The following APOO variants were observed in gnomAD, a reference collection of about 807,000 sequenced individuals.
The protein encoded by APOO is apolipoprotein O.
A neutral mutation model predicts 23.1 loss-of-function variants in APOO; 11 were observed. The observed-to-expected ratio is 0.48, with a 90% CI of 0.30 to 0.79. APOO has a LOEUF of 0.79. Ranked by LOEUF, APOO falls within the 30% of genes least tolerant of loss-of-function variation. The pLI is 0.07. For missense variants in APOO, 160 were observed against 142.7 expected, an observed-to-expected ratio of 1.12 and a Z score of -0.62; for synonymous variants, 59 against 54.8, an observed-to-expected ratio of 1.08 and a Z score of -0.34.
In APOO at chrX:23,907,776, G is replaced by A; in HGVS notation, c.-74C>T. ...CCCACTATAGAGAGGTGACTACGGA[G>A]GCCCGGTAGGGCCTTGATTTCTCCA... On this transcript the variant is annotated 5_prime_UTR_variant, in exon 1 of 9. Transcript: ENST00000379226. 1 of 1,066,632 alleles carries A rather than the reference G, an allele frequency of 9.4e-7. No homozygotes were observed. The highest frequency in any genetic ancestry group is 1.2e-6 in the Non-Finnish European group (1 of 804,765). 87.9% of individuals were successfully genotyped at this position (1,066,632 alleles called of 1,213,427 possible). A position where few individuals can be genotyped will look rare whatever the true frequency, so the allele number is the denominator to read the frequency against.
intron 7 of APOO, among the ~76,000 whole-genome samples, chrX:23,848,584 T>C (rs1299007905): frequency 8.9e-6 from 1 of 112,005 alleles, no homozygotes; most frequent in Admixed American, 9.6e-5. Context: ...CTATATAAAC[T>C]ATAACTGGGT....
chrX:23,883,110 G>A (rs975640972), intron 1 of APOO, among the ~76,000 whole-genome samples: 3 of 111,508 alleles, frequency 2.7e-5, no homozygotes, highest in African/African-American at 9.8e-5. Flanking sequence ...AAAGTGATAC[G>A]GGAGGGGCAG....
chrX:23,852,300 TTAGAA>T (rs1924575358), intron 7 of APOO, among the ~76,000 whole-genome samples: 1 of 110,210 alleles, frequency 9.1e-6, no homozygotes, highest in Non-Finnish European at 1.9e-5. Context: ...TGTTACATGA[TTAGAA>T]TACAAACAAT....
At chrX:23,877,390 C>T (rs1010732246) in intron 3 of APOO, among the ~76,000 whole-genome samples, 1 of 112,133 alleles carries the variant, frequency 8.9e-6, no homozygotes, top group Non-Finnish European at 1.9e-5. Context: ...AGAGTCCATG[C>T]TTTACTATTT....
chrX:23,886,799 A>G (rs1281376515), intron 1 of APOO, among the ~76,000 whole-genome samples: 1 of 111,761 alleles, frequency 8.9e-6, no homozygotes, highest in Non-Finnish European at 1.9e-5. Flanking sequence ...AGATGTCATC[A>G]CAAATGGCCA....
intron 7 of APOO, among the ~76,000 whole-genome samples, chrX:23,844,403 A>T (rs779361114): frequency 9.0e-6 from 1 of 111,275 alleles, no homozygotes; most frequent in Non-Finnish European, 1.9e-5. Context: ...TAAGTTTACT[A>T]ATCAGTTGCC....
chrX:23,843,189 T>A (rs891685786), intron 7 of APOO, among the ~76,000 whole-genome samples: 2 of 112,279 alleles, frequency 1.8e-5, no homozygotes, highest in South Asian at 3.6e-4. Context: ...CAAGCTTTTT[T>A]ATCTTTTGGA....
intron 1 of APOO, among the ~76,000 whole-genome samples, chrX:23,884,556 C>G (rs1485174515): frequency 8.9e-6 from 1 of 111,870 alleles, no homozygotes; most frequent in African/African-American, 3.2e-5. Flanking sequence ...AACATATGCA[C>G]TACCTCACAA....
chrX:23,839,412 A>G (rs1923867631), intron 8 of APOO, among the ~76,000 whole-genome samples: 1 of 110,993 alleles, frequency 9.0e-6, no homozygotes, highest in African/African-American at 3.3e-5. Flanking sequence ...CCAGATAACC[A>G]CTCTCAAATT....
At chrX:23,879,070 T>C (rs781257311) in intron 2 of APOO, 36 bp from the exon 3 acceptor site, 5 of 1,191,868 alleles carry the variant, frequency 4.2e-6, no homozygotes, top group Admixed American at 2.2e-5. Flanking sequence ...ATTTAAAAGA[T>C]GTACTGTCTA....
rs1292914682 is a variant in APOO, at chrX:23,841,486, T to A, written c.562-1109A>T. Among the ~76,000 whole-genome samples the A allele has an allele frequency of 1.1e-4, 7 of 65,080 alleles. No individual in the cohort carries two copies. In the East Asian group the frequency reaches 2.1e-3, roughly 20 times the overall value. 56.5% of individuals were successfully genotyped at this position (65,080 alleles called of 115,157 possible). A position where few individuals can be genotyped will look rare whatever the true frequency, so the allele number is the denominator to read the frequency against. ...CTTGGGCAACATAGAAAAAGAAGTT[T>A]AAAAAAAAAAAAAAAAAAAAAAAGA... On this transcript the variant is annotated intron_variant, in intron 7 of 8. Transcript: ENST00000379226.
At chrX:23,877,919 C>T (rs1435430007) in intron 3 of APOO, among the ~76,000 whole-genome samples, 1 of 111,998 alleles carries the variant, frequency 8.9e-6, no homozygotes, top group South Asian at 3.6e-4. Flanking sequence ...TGTATCAAAG[C>T]CTACAAAAGC....
chrX:23,847,905 TCA>T lies in APOO; in HGVS notation c.562-7530_562-7529del, dbSNP rs1045520513. Among the ~76,000 whole-genome samples the T allele has an allele frequency of 1.0e-4, 11 of 107,735 alleles. No individual in the cohort carries two copies. In the Admixed American group the frequency reaches 1.1e-3, roughly 11 times the overall value. 93.6% of individuals were successfully genotyped at this position (107,735 alleles called of 115,157 possible). ...TATATTATTTTTTTGAGATGGAGTT[TCA>T]CTCTTGTTGCCCAGGCTGGAGTACA... On this transcript the variant is annotated intron_variant, in intron 7 of 8. Transcript: ENST00000379226.
chrX:23,836,020 G>A (rs745783780), intron 8 of APOO, among the ~76,000 whole-genome samples: 1 of 112,941 alleles, frequency 8.9e-6, no homozygotes, highest in South Asian at 3.6e-4. Context: ...ACAACAGGCA[G>A]ATCTTGTTTG....
chrX:23,905,822 T>G (rs991534723), intron 1 of APOO, among the ~76,000 whole-genome samples: 1 of 112,703 alleles, frequency 8.9e-6, no homozygotes, highest in African/African-American at 3.2e-5. Flanking sequence ...AGTTCTGAAG[T>G]AGTAATGAGC....
intron 5 of APOO, among the ~76,000 whole-genome samples, chrX:23,863,065 G>A (rs779287400): frequency 1.4e-4 from 16 of 112,347 alleles, no homozygotes; most frequent in Admixed American, 1.9e-4. Context: ...TGGGCATGGT[G>A]GCTCATGCCT....
intron 4 of APOO, among the ~76,000 whole-genome samples, chrX:23,872,208 G>A (rs138749909): frequency 0.029 from 3,173 of 110,984 alleles, 53 homozygotes; most frequent in Non-Finnish European, 0.044. Flanking sequence ...AGACTGTACG[G>A]AGTCTGGGCA....
At chrX:23,850,621 G>A (rs1240239488) in intron 7 of APOO, among the ~76,000 whole-genome samples, 1 of 111,909 alleles carries the variant, frequency 8.9e-6, no homozygotes, top group African/African-American at 3.2e-5. Flanking sequence ...GAGGTCAGGA[G>A]TTTGAGACCA....
At chrX:23,852,112 C>T (rs1022225589) in intron 7 of APOO, among the ~76,000 whole-genome samples, 9 of 109,679 alleles carry the variant, frequency 8.2e-5, no homozygotes, top group Admixed American at 5.9e-4. Flanking sequence ...TCAGTAGAGA[C>T]GGGGGTGCGC....
Sources: gnomAD v4.1 joint callset for allele counts (sites outside exome capture counted in the v4.1 genomes callset) on GRCh38, gnomAD v4.1.1 for gene constraint, MANE v1.5 for transcripts, NCBI Gene and HGNC (gene_info 2026-07-23, HGNC 2026-07-21) for gene names.